Variants in CBX7 observed in about 807,000 individuals in gnomAD.
The protein encoded by CBX7 is chromobox protein homolog 7.
A neutral mutation model predicts 31.4 loss-of-function variants in CBX7; 14 were observed. The ratio of observed to expected loss-of-function variants is 0.45; its 90% CI spans 0.29 to 0.70. The LOEUF is 0.70. CBX7 is among the 30% of genes least tolerant of loss of function. CBX7 has a pLI of 0.11. For synonymous variants in CBX7, 159 were observed against 152.6 expected (o/e 1.04, Z -0.31); for missense variants, 269 against 351.9 (o/e 0.76, Z 1.89).
At chr22:39,138,040 G>C (rs1387708553) in intron 4 of CBX7, among the ~76,000 whole-genome samples, 5 of 152,250 alleles carry the variant, frequency 3.3e-5, no homozygotes, top group Non-Finnish European at 7.4e-5. Context: ...ATTTAGCCAG[G>C]CGTGGTGGCG....
intron 5 of CBX7, 48 bp downstream of exon 5, chr22:39,134,353 A>G: frequency 6.8e-7 from 1 of 1,466,866 alleles, no homozygotes; most frequent in Non-Finnish European, 9.2e-7. Context: ...CTTATGACCC[A>G]TAGGGCCCTT....
intron 1 of CBX7, among the ~76,000 whole-genome samples, chr22:39,151,883 T>TG (rs111471988): frequency 0.66 from 87,659 of 132,492 alleles, 30,081 homozygotes; most frequent in African/African-American, 0.88. Context: ...TGTGCTCGGG[T>TG]GGCGTAGAGG....
Position 39,134,892 on chromosome 22 carries a change from C to T in CBX7, c.247-140G>A, listed in dbSNP as rs554965885. On this transcript the variant is annotated intron_variant, in intron 4 of 5. Coordinates refer to ENST00000216133, the MANE Select transcript of CBX7 (RefSeq NM_175709.5). ...AACTCCTTCCCATGCCACGGCTGGC[C>T]ATCACCCCACCCCACCCCAGCCCAG... The T allele has an allele frequency of 6.4e-5, 41 of 636,418 alleles. No homozygotes were observed. The African/African-American group carries it at 7.0e-4, about 11-fold the overall frequency. The allele number at this position is 636,418 out of a possible 1,614,324, so 39.4% of individuals were successfully genotyped here. A position where few individuals can be genotyped will look rare whatever the true frequency, so the allele number is the denominator to read the frequency against.
chr22:39,144,640 C>G lies in CBX7; in HGVS notation c.114-3204G>C, dbSNP rs2235685. On this transcript the variant is annotated intron_variant, in intron 2 of 5. Transcript: ENST00000216133. ...CCTCCCCCCGGAAAAGGCTGAATCT[C>G]CTCACTCTAACTGGTAGGAAGGGGA... Among the ~76,000 whole-genome samples, 1,146 of 152,304 alleles carry G rather than the reference C, an allele frequency of 7.5e-3. 5 individuals are homozygous for G. Among genetic ancestry groups the G allele is most frequent in the Middle Eastern group, 0.031 (9 of 294 alleles).
At position 39,134,581 on chromosome 22, in the gene CBX7, G is replaced by A. The variant is rs538371806; in HGVS notation, c.418C>T (p.Arg140Cys). The change falls in exon 5 of 6, where the codon CGC (arginine) becomes TGC (cysteine). Residue 140 changes from arginine to cysteine, a missense_variant. Around this residue, in one of 2 missense-constraint regions of CBX7, gnomAD observed 222 missense variants for 240.4 expected, o/e 0.92. Coordinates refer to ENST00000216133, the MANE Select transcript of CBX7 (RefSeq NM_175709.5). ...TACTTGTGGGCCTTTCGGGGCTTGC[G>A]GAGCGGGAAGGGCAGGGTGGGCACC... ...PLVPTLPFPL[R>C]KPRKAHKYLR... is the part of the protein sequence containing the mutation. 1.1e-5 allele frequency: 17 copies of A among 1,597,808 alleles called. No individual in the cohort carries two copies. In the East Asian group the frequency reaches 1.1e-4, roughly 11 times the overall value.
At chr22:39,143,516 A>G (rs1361057259) in intron 2 of CBX7, among the ~76,000 whole-genome samples, 2 of 152,252 alleles carry the variant, frequency 1.3e-5, no homozygotes, top group African/African-American at 2.4e-5. Flanking sequence ...TGTATAAATT[A>G]GTGTAGCCTA....
chr22:39,139,466 G>T (rs1930370321), intron 3 of CBX7, among the ~76,000 whole-genome samples: 1 of 152,068 alleles, frequency 6.6e-6, no homozygotes, highest in Admixed American at 6.6e-5. Flanking sequence ...ACTTTGGGAG[G>T]CTGAGGCGGG....
chr22:39,142,858 A>G (rs1930508833), intron 2 of CBX7, among the ~76,000 whole-genome samples: 1 of 152,068 alleles, frequency 6.6e-6, no homozygotes, highest in Admixed American at 6.6e-5. Flanking sequence ...AATTCCTGTC[A>G]TCTAGTGACG....
At position 39,132,110 on chromosome 22, in the gene CBX7, G is replaced by A. The variant is rs1601552497; in HGVS notation, c.*1781C>T. ...TGTCCCCCAATGGAAGCACTGAATT[G>A]ACCGTGGACAACTAAAGATCGAGGA... On this transcript the variant is annotated 3_prime_UTR_variant, in exon 6 of 6. Coordinates refer to ENST00000216133, the MANE Select transcript of CBX7 (RefSeq NM_175709.5). 6.6e-6 allele frequency: 1 copy of A among 152,286 alleles called. No individual in the cohort carries two copies. Among genetic ancestry groups the A allele is most frequent in the East Asian group, 1.9e-4 (1 of 5,206 alleles). 9.4% of individuals were successfully genotyped at this position (152,286 alleles called of 1,614,324 possible). A position where few individuals can be genotyped will look rare whatever the true frequency, so the allele number is the denominator to read the frequency against.
Position 39,133,713 on chromosome 22 carries a change from G to T in CBX7, c.*178C>A. 1.7e-6 allele frequency: 1 copy of T among 580,110 alleles called. No individual in the cohort carries two copies. The highest frequency in any genetic ancestry group is 2.8e-6 in the Non-Finnish European group (1 of 353,576). The allele number at this position is 580,110 out of a possible 1,614,324, so 35.9% of individuals were successfully genotyped here. A position where few individuals can be genotyped will look rare whatever the true frequency, so the allele number is the denominator to read the frequency against. On this transcript the variant is annotated 3_prime_UTR_variant, in exon 6 of 6. Coordinates refer to ENST00000216133, the MANE Select transcript of CBX7 (RefSeq NM_175709.5). ...CTCTCCATCCCCAGCCTGAGGCCTC[G>T]TGGTAAACGTCCCTCAGAGAAAGGG...
chr22:39,133,747 G>A lies in CBX7; in HGVS notation c.*144C>T. The A allele has an allele frequency of 1.3e-6, 1 of 763,540 alleles. No homozygotes were observed. The highest frequency in any genetic ancestry group is 2.0e-6 in the Non-Finnish European group (1 of 505,428). The allele number at this position is 763,540 out of a possible 1,614,324, so 47.3% of individuals were successfully genotyped here. On this transcript the variant is annotated 3_prime_UTR_variant, in exon 6 of 6. Transcript: ENST00000216133. ...GTCCCTCAGAGAAAGGGCAGGTGGT[G>A]GGAGAGTAGTGGGATCTTCTCCCCT... is the stretch of plus-strand genomic sequence containing the variant.
intron 4 of CBX7, chr22:39,135,080 G>A (rs139387): frequency 0.65 from 196,128 of 303,618 alleles, 65,455 homozygotes; most frequent in African/African-American, 0.9. Context: ...GATGCATTAA[G>A]GAGTTAGCCT....
chr22:39,139,993 C>A (rs1930398171), intron 3 of CBX7, among the ~76,000 whole-genome samples: 1 of 152,118 alleles, frequency 6.6e-6, no homozygotes, highest in Non-Finnish European at 1.5e-5. Context: ...TAAGACAACA[C>A]AACCAGAGAC....
chr22:39,140,719 G>T (rs1172823812), intron 3 of CBX7, among the ~76,000 whole-genome samples: 1 of 146,794 alleles, frequency 6.8e-6, no homozygotes, highest in Non-Finnish European at 1.5e-5. Context: ...GGGGACCTGG[G>T]CTGCCTGCTG....
chr22:39,134,571 C>A lies in CBX7; in HGVS notation c.428G>T (p.Arg143Leu). The A allele has an allele frequency of 6.2e-7, 1 of 1,602,488 alleles. No individual in the cohort carries two copies. The highest frequency in any genetic ancestry group is 1.7e-5 in the Admixed American group (1 of 58,008). The change falls in exon 5 of 6, where the codon CGA (arginine) becomes CTA (leucine). Residue 143 changes from arginine to leucine, a missense_variant. By Grantham distance (102) the Arg-to-Leu change is moderately radical. This residue lies in a region of CBX7 where 222 missense variants were observed against 240.4 expected (regional missense o/e 0.92). Transcript: ENST00000216133. ...GAGCCGCAGGTACTTGTGGGCCTTT[C>A]GGGGCTTGCGGAGCGGGAAGGGCAG... is the stretch of plus-strand genomic sequence containing the variant. ...PTLPFPLRKP[R>L]KAHKYLRLSR...
Position 39,141,378 on chromosome 22 carries a change from C to T in CBX7, c.172G>A (p.Glu58Lys), listed in dbSNP as rs775514159. 1.4e-5 allele frequency: 22 copies of T among 1,611,800 alleles called. No individual in the cohort carries two copies. The South Asian group carries it at 1.9e-4, about 14-fold the overall frequency. Reference sequence around the variant, plus strand: ...GTGCCGAGGACACCGTACTTCTCCTCGTAGGCCATGACGAGGCGGGGGTCC... The same window carrying T: ...GTGCCGAGGACACCGTACTTCTCCTTGTAGGCCATGACGAGGCGGGGGTCC... ...ILDPRLVMAYEEKEERDRASG... is the reference protein window; with the variant it reads ...ILDPRLVMAYKEKEERDRASG... The change falls in exon 3 of 6, where the codon GAG becomes AAG. Residue 58 changes from glutamate to lysine, a missense_variant. Glu to Lys is a moderately conservative substitution (Grantham distance 56). This residue lies in a region of CBX7 where 47 missense variants were observed against 111.5 expected (regional missense o/e 0.42). Coordinates refer to ENST00000216133, the MANE Select transcript of CBX7 (RefSeq NM_175709.5).
chr22:39,139,789 G>C (rs1449705271), intron 3 of CBX7, among the ~76,000 whole-genome samples: 1 of 151,184 alleles, frequency 6.6e-6, no homozygotes, highest in Non-Finnish European at 1.5e-5. Context: ...AATTAGCCAG[G>C]CACGGTGGCA....
intron 4 of CBX7, among the ~76,000 whole-genome samples, chr22:39,138,410 G>A (rs1201604469): frequency 6.6e-6 from 1 of 152,156 alleles, no homozygotes; most frequent in Non-Finnish European, 1.5e-5. Context: ...CCTCCCAGGT[G>A]GCACCGCCCA....
chr22:39,136,937 G>A lies in CBX7; in HGVS notation c.246+1699C>T, dbSNP rs552178874. 9.8e-5 allele frequency among the ~76,000 whole-genome samples: 15 copies of A among 152,328 alleles called. No individual in the cohort carries two copies. In the East Asian group the frequency reaches 2.3e-3, roughly 23 times the overall value. On this transcript the variant is annotated intron_variant, in intron 4 of 5. Coordinates refer to ENST00000216133, the MANE Select transcript of CBX7 (RefSeq NM_175709.5). ...TGAAGGGAGGCCCACCCCCTCTGGC[G>A]AAAGCCTCCATGGGTTTTAATCAGG... is the stretch of plus-strand genomic sequence containing the variant.
Sources: gnomAD v4.1 joint callset for allele counts (sites outside exome capture counted in the v4.1 genomes callset) on GRCh38, gnomAD v4.1.1 for gene constraint, gnomAD v4.1.1 regional missense constraint, MANE v1.5 for transcripts, NCBI Gene and HGNC (gene_info 2026-07-23, HGNC 2026-07-21) for gene names.